The following MVP variants were observed in gnomAD, a reference collection of about 807,000 sequenced individuals.
MVP encodes the protein lung resistance-related protein.
A neutral mutation model predicts 83.5 loss-of-function variants in MVP; 62 were observed. The ratio of observed to expected loss-of-function variants is 0.74; its 90% CI spans 0.61 to 0.92. The LOEUF (loss-of-function observed/expected upper bound fraction) is 0.92. Among genes scored for constraint, MVP ranks in the 40% least tolerant of loss-of-function variants. MVP has a pLI of 0.00. For missense variants in MVP, 1,000 were observed against 1,203.4 expected (o/e 0.83, Z 2.50); for synonymous variants, 505 against 504.1 (o/e 1.00, Z -0.02).
rs971781520 is a variant in MVP, at chr16:29,835,519, A to T, written c.578-185A>T. The T allele has an allele frequency of 1.9e-5, 8 of 411,144 alleles. No homozygotes were observed. The Admixed American group carries it at 2.1e-4, about 11-fold the overall frequency. The allele number at this position is 411,144 out of a possible 1,614,324, so 25.5% of individuals were successfully genotyped here. On this transcript the variant is annotated intron_variant, in intron 5 of 14. Coordinates refer to ENST00000357402, the MANE Select transcript of MVP (RefSeq NM_005115.5). ...AAAAAAAAAAAACTTTTAAAATTCA[A>T]CTGGGGTGGGGGTTTGGCCTCAAAA...
At chr16:29,845,658 G>A (rs1451031323) in intron 11 of MVP, among the ~76,000 whole-genome samples, 1 of 152,208 alleles carries the variant, frequency 6.6e-6, no homozygotes, top group African/African-American at 2.4e-5. Flanking sequence ...AAAGTAGGGG[G>A]CCGCAGTCAC....
rs148167046 is a variant in MVP at position 29,844,657 on chromosome 16, G to A, written c.1799G>A (p.Arg600His). Residue 600 changes from arginine to histidine, a missense_variant, in exon 11 of 15, where the codon CGC (arginine) becomes CAC (histidine). Transcript: ENST00000357402. ...CATAAGAACTCAGCCCGCATCATTC[G>A]CACTGCTGTCTTTGGCTTTGAGACC... ...DFHKNSARII[R>H]TAVFGFETSE... 6 of 1,614,014 alleles carry A rather than the reference G, an allele frequency of 3.7e-6. No homozygotes were observed. The highest frequency in any genetic ancestry group is 2.2e-5 in the East Asian group (1 of 44,886).
At chr16:29,834,113 C>T in intron 5 of MVP, 47 bp downstream of exon 5, 1 of 1,597,686 alleles carries the variant, frequency 6.3e-7, no homozygotes, top group Non-Finnish European at 8.5e-7. Flanking sequence ...GGAGGGGTCC[C>T]CACTGCAGGG....
At chr16:29,824,037 A>G (rs562560566) in intron 1 of MVP, among the ~76,000 whole-genome samples, 6 of 151,650 alleles carry the variant, frequency 4.0e-5, no homozygotes, top group South Asian at 4.2e-4. Context: ...CCTGACCAAC[A>G]TGGCGAAACC....
At chr16:29,829,300 CATA>C (rs2067424849) in intron 1 of MVP, among the ~76,000 whole-genome samples, 1 of 149,774 alleles carries the variant, frequency 6.7e-6, no homozygotes, top group Admixed American at 6.6e-5. Flanking sequence ...GCCTAGGCAA[CATA>C]ATGAGACCTC....
intron 5 of MVP, 91 bp downstream of exon 5, chr16:29,834,157 G>T: frequency 1.3e-6 from 2 of 1,520,090 alleles, no homozygotes; most frequent in Non-Finnish European, 1.8e-6. Flanking sequence ...GCCTCCTGTA[G>T]CCCCAGAGAG....
intron 1 of MVP, chr16:29,822,570 GCCGCATCACCGAC>G (rs1251130415): frequency 6.6e-6 from 1 of 152,168 alleles, no homozygotes; most frequent in Non-Finnish European, 1.5e-5. Flanking sequence ...TGGGGGCAGG[GCCGCATCACCGAC>G]CTTACGTCCA....
rs1444675404 is a variant in MVP, at chr16:29,844,597, G to A, written c.1739G>A (p.Arg580Gln). The A allele has an allele frequency of 1.9e-6, 3 of 1,613,006 alleles. No individual in the cohort carries two copies. The highest frequency in any genetic ancestry group is 2.5e-6 in the Non-Finnish European group (3 of 1,179,436). The change falls in exon 11 of 15, where the codon CGG (arginine) becomes CAG (glutamine). Residue 580 changes from arginine to glutamine, a missense_variant. By Grantham distance (43) the Arg-to-Gln change is conservative. Transcript: ENST00000357402. ...DACKAIASRV[R>Q]GAVASVTFDD... The stretch of plus-strand genomic sequence containing the variant: ...TGCAAAGCCATCGCATCCCGGGTGC[G>A]GGGGGCCGTGGCCTCTGTCACTTTC...
At chr16:29,840,127 A>C in intron 7 of MVP, 51 bp from the exon 8 acceptor site, 1 of 1,537,188 alleles carries the variant, frequency 6.5e-7, no homozygotes, top group Non-Finnish European at 8.8e-7. Flanking sequence ...TACCATTGGA[A>C]GCACCCGCAA....
In MVP at chr16:29,833,719, T is replaced by C. The variant is rs747478668; in HGVS notation, c.322-14T>C. The C allele has an allele frequency of 1.1e-5, 18 of 1,613,700 alleles. No homozygotes were observed. The South Asian group carries it at 1.9e-4, about 17-fold the overall frequency. ...GCACTGATGGTTCTGTGTCTCCACC[T>C]TCTTCCCCACTAGGACATCACACCC... On this transcript the variant is annotated splice_polypyrimidine_tract_variant and intron_variant, in intron 3 of 14. Coordinates refer to ENST00000357402, the MANE Select transcript of MVP (RefSeq NM_005115.5).
In MVP at chr16:29,841,736, G is replaced by A. The variant is rs777363713; in HGVS notation, c.1332G>A (p.Lys444=). 22 of 1,613,212 alleles carry A rather than the reference G, an allele frequency of 1.4e-5. No homozygotes were observed. Among genetic ancestry groups the A allele is most frequent in the African/African-American group, 4.0e-5 (3 of 74,898 alleles). Residue 444 remains lysine, a synonymous_variant, in exon 9 of 15, where the codon AAG becomes AAA. Coordinates refer to ENST00000357402, the MANE Select transcript of MVP (RefSeq NM_005115.5). This position sits in a 1 kb window ranked among gnomAD's most constrained non-coding sequence, Gnocchi z 4.7. ...ACAGGGGTGAGAAGGACACAGCTAA[G>A]AGCCTCCAGCCCTTGGCGCCCCGGA... ...LADRGEKDTA[K]SLQPLAPRNK... is the part of the protein sequence containing the mutation.
At chr16:29,846,112 G>A (rs1182040761) in intron 12 of MVP, 46 bp from the exon 13 acceptor site, 1 of 1,600,718 alleles carries the variant, frequency 6.2e-7, no homozygotes, top group South Asian at 1.1e-5. Flanking sequence ...GCCGTGGGGG[G>A]ACTGGGCTGT....
At chr16:29,834,304 C>A in intron 5 of MVP, 1 of 488,296 alleles carries the variant, frequency 2.0e-6, no homozygotes, top group Non-Finnish European at 3.7e-6. Flanking sequence ...CTTCCCTCAC[C>A]TTCACCATGA....
chr16:29,846,398 C>A, intron 13 of MVP, 114 bp downstream of exon 13: 2 of 1,398,502 alleles, frequency 1.4e-6, no homozygotes, highest in Non-Finnish European at 1.9e-6. Context: ...AAGCCCTATC[C>A]AAGTACTTTG....
Position 29,833,725 on chromosome 16 carries a change from C to T in MVP, c.322-8C>T. On this transcript the variant is annotated splice_polypyrimidine_tract_variant and splice_region_variant and intron_variant, in intron 3 of 14. Coordinates refer to ENST00000357402, the MANE Select transcript of MVP (RefSeq NM_005115.5). ...ATGGTTCTGTGTCTCCACCTTCTTCCCCACTAGGACATCACACCCCTGCAG... is the reference window on the plus strand; with the variant it reads ...ATGGTTCTGTGTCTCCACCTTCTTCTCCACTAGGACATCACACCCCTGCAG... 6.2e-7 allele frequency: 1 copy of T among 1,613,852 alleles called. No individual in the cohort carries two copies. The highest frequency in any genetic ancestry group is 2.2e-5 in the East Asian group (1 of 44,868).
intron 10 of MVP, 55 bp downstream of exon 10, chr16:29,842,167 A>T (rs1170360216): frequency 2.0e-6 from 3 of 1,526,340 alleles, no homozygotes; most frequent in Non-Finnish European, 2.6e-6. Context: ...GCACTTTGGG[A>T]GGCTGAGGTG....
chr16:29,834,201 G>C (rs902671095), intron 5 of MVP, 135 bp downstream of exon 5: 8 of 1,234,808 alleles, frequency 6.5e-6, no homozygotes, highest in South Asian at 1.5e-5. Context: ...AGCTGTTGAG[G>C]GCCACCCACT....
intron 10 of MVP, among the ~76,000 whole-genome samples, chr16:29,843,554 G>GAGGGAGGGAGGGAGGA: frequency 5.1e-5 from 1 of 19,476 alleles, no homozygotes; most frequent in African/African-American, 2.5e-4. Flanking sequence ...GGAAGGGAGG[G>GAGGGAGGGAGGGAGGA]AGGGAGGGAG....
chr16:29,838,543 G>T (rs2067507363), intron 7 of MVP, among the ~76,000 whole-genome samples: 1 of 152,106 alleles, frequency 6.6e-6, no homozygotes, highest in Non-Finnish European at 1.5e-5. Context: ...GAAAGAAATG[G>T]CAGGCCAGGC....
Sources: gnomAD v4.1 joint callset for allele counts (sites outside exome capture counted in the v4.1 genomes callset) on GRCh38, gnomAD v4.1.1 for gene constraint, Gnocchi (gnomAD v3.1) non-coding constraint, MANE v1.5 for transcripts, NCBI Gene and HGNC (gene_info 2026-07-23, HGNC 2026-07-21) for gene names.